Variants in RHCE observed in about 807,000 individuals in gnomAD.
The protein encoded by RHCE is Rh blood group CcEe antigens.
Under a neutral mutation model 43.8 loss-of-function variants are expected in RHCE, and 22 were observed. That is an observed-to-expected ratio of 0.50 (90% confidence interval 0.36 to 0.72). The LOEUF is 0.72. Ranked by LOEUF, RHCE falls within the 30% of genes least tolerant of loss-of-function variation. The pLI is 0.00. For missense variants in RHCE, 385 were observed against 525.4 expected (o/e 0.73, Z 2.61); for synonymous variants, 156 against 210.7 (o/e 0.74, Z 2.25).
At chr1:25,401,426 C>T (rs1646737622) in intron 3 of RHCE, among the ~76,000 whole-genome samples, 1 of 152,152 alleles carries the variant, frequency 6.6e-6, no homozygotes, top group Non-Finnish European at 1.5e-5. Context: ...GGTTCTGCCA[C>T]TATCTTGCTA....
intron 7 of RHCE, among the ~76,000 whole-genome samples, chr1:25,377,655 G>A (rs1432148470): frequency 6.6e-6 from 1 of 152,168 alleles, no homozygotes; most frequent in Non-Finnish European, 1.5e-5. Context: ...TGGCACTTTG[G>A]GAGGCCAAGG....
intron 4 of RHCE, among the ~76,000 whole-genome samples, chr1:25,391,348 C>T (rs1268623744): frequency 6.6e-6 from 1 of 152,028 alleles, no homozygotes; most frequent in Admixed American, 6.6e-5. Context: ...CCATGCCCAG[C>T]TGATTTGTTT....
upstream of RHCE, among the ~76,000 whole-genome samples, chr1:25,423,604 G>A (rs1313417185): frequency 4.6e-5 from 7 of 152,288 alleles, no homozygotes; most frequent in South Asian, 4.1e-4. Flanking sequence ...GGCCTCTCCC[G>A]ACAGATTTCT....
intron 1 of RHCE, chr1:25,411,198 A>G: frequency 1.1e-6 from 1 of 931,374 alleles, no homozygotes; most frequent in Non-Finnish European, 1.5e-6. Context: ...CAACAGAATA[A>G]GGGTAATTAG....
At chr1:25,405,510 G>A (rs911869666) in intron 2 of RHCE, among the ~76,000 whole-genome samples, 13 of 151,884 alleles carry the variant, frequency 8.6e-5, no homozygotes, top group African/African-American at 2.4e-4. Flanking sequence ...AAAATTAGCC[G>A]GGCATGGTAG....
chr1:25,418,140 C>T (rs1204235853), intron 1 of RHCE, among the ~76,000 whole-genome samples: 1 of 151,912 alleles, frequency 6.6e-6, no homozygotes, highest in Non-Finnish European at 1.5e-5. Context: ...AATTCTCCTC[C>T]CTCAGCTTCC....
Position 25,406,232 on chromosome 1 carries a change from G to GGCGT in RHCE, c.335+2447_335+2450dup, listed in dbSNP as rs538761801. Among the ~76,000 whole-genome samples, 8 of 98,494 alleles carry GGCGT rather than the reference G, an allele frequency of 8.1e-5. 2 individuals carry two copies. The highest frequency in any genetic ancestry group is 1.6e-4 in the Non-Finnish European group (7 of 43,858). 64.6% of individuals were successfully genotyped at this position (98,494 alleles called of 152,430 possible). On this transcript the variant is annotated intron_variant, in intron 2 of 9. Coordinates refer to ENST00000294413, the MANE Select transcript of RHCE (RefSeq NM_020485.8). ...CAGGTGGATGCAGTGTGTGTATGCG[G>GGCGT]GCGTGCGTGCGTGCGTGCGTGTGTG...
At chr1:25,402,248 C>G (rs1160647946) in intron 3 of RHCE, among the ~76,000 whole-genome samples, 1 of 151,890 alleles carries the variant, frequency 6.6e-6, no homozygotes, top group Non-Finnish European at 1.5e-5. Context: ...ATCTATCCAC[C>G]TACCTATTTA....
rs1180567145 is a variant in RHCE at position 25,408,309 on chromosome 1, G to T, written c.335+374C>A. 1.7e-5 allele frequency among the ~76,000 whole-genome samples: 2 copies of T among 119,626 alleles called. 1 individual carries two copies. The highest frequency in any genetic ancestry group is 3.8e-5 in the Non-Finnish European group (2 of 53,146). The allele number at this position is 119,626 out of a possible 152,430, so 78.5% of individuals were successfully genotyped here. A position where few individuals can be genotyped will look rare whatever the true frequency, so the allele number is the denominator to read the frequency against. On this transcript the variant is annotated intron_variant, in intron 2 of 9. Coordinates refer to ENST00000294413, the MANE Select transcript of RHCE (RefSeq NM_020485.8). ...TCTCAAAAAAGAAAAAAAAAAAATA[G>T]AATGTCTCTCTAGGTGTGGCATGTC...
chr1:25,379,486 TA>T (rs1557605488), intron 7 of RHCE, among the ~76,000 whole-genome samples: 13 of 17,872 alleles, frequency 7.3e-4, no homozygotes, highest in South Asian at 2.6e-3. Flanking sequence ...TATATATATA[TA>T]TATATATATT....
intron 6 of RHCE, among the ~76,000 whole-genome samples, chr1:25,387,946 G>A (rs1404396910): frequency 6.6e-6 from 1 of 151,938 alleles, no homozygotes; most frequent in Non-Finnish European, 1.5e-5. Flanking sequence ...TCAGCCTCCT[G>A]AGTAGCTAAG....
chr1:25,391,921 T>C, intron 4 of RHCE, 73 bp downstream of exon 4: 1 of 1,608,724 alleles, frequency 6.2e-7, no homozygotes, highest in Non-Finnish European at 8.5e-7. Flanking sequence ...AGGGAGATTT[T>C]TTCAGCCAGA....
chr1:25,402,041 T>C (rs1646764651), intron 3 of RHCE, among the ~76,000 whole-genome samples: 1 of 152,186 alleles, frequency 6.6e-6, no homozygotes, highest in Admixed American at 6.5e-5. Context: ...CATGCGCAGC[T>C]AAATTTTGTA....
intron 7 of RHCE, among the ~76,000 whole-genome samples, chr1:25,377,509 A>G (rs1314070713): frequency 6.6e-6 from 1 of 152,128 alleles, no homozygotes; most frequent in African/African-American, 2.4e-5. Flanking sequence ...AAATTCTTAA[A>G]CAGGACATAA....
At chr1:25,370,241 T>A (rs1359620630) in intron 9 of RHCE, among the ~76,000 whole-genome samples, 1 of 151,544 alleles carries the variant, frequency 6.6e-6, no homozygotes, top group Admixed American at 6.6e-5. Flanking sequence ...TGACTCTGAA[T>A]GAATTTGAGG....
At chr1:25,415,529 G>A (rs1310910814) in intron 1 of RHCE, among the ~76,000 whole-genome samples, 4 of 152,144 alleles carry the variant, frequency 2.6e-5, no homozygotes, top group African/African-American at 7.2e-5. Context: ...GCGCATGCCT[G>A]TAATCCCAGC....
At chr1:25,394,734 G>T (rs1646489393) in intron 3 of RHCE, among the ~76,000 whole-genome samples, 1 of 152,172 alleles carries the variant, frequency 6.6e-6, no homozygotes, top group Admixed American at 6.5e-5. Context: ...CATACATAAA[G>T]AGGAAAGTCT....
At chr1:25,411,939 G>GTT (rs1405311362) in intron 1 of RHCE, among the ~76,000 whole-genome samples, 1 of 152,170 alleles carries the variant, frequency 6.6e-6, no homozygotes, top group Non-Finnish European at 1.5e-5. Context: ...CAGACTTATT[G>GTT]AAGATTCCAT....
chr1:25,417,180 C>T (rs1231672573), intron 1 of RHCE, among the ~76,000 whole-genome samples: 1 of 151,348 alleles, frequency 6.6e-6, no homozygotes. Context: ...TTTATCATAC[C>T]TAACAAAATT....
Sources: gnomAD v4.1 joint callset for allele counts (sites outside exome capture counted in the v4.1 genomes callset) on GRCh38, gnomAD v4.1.1 for gene constraint, MANE v1.5 for transcripts, NCBI Gene and HGNC (gene_info 2026-07-23, HGNC 2026-07-21) for gene names.